RBMS1: variants seen among roughly 807,000 people sequenced by gnomAD.
RBMS1 encodes the protein RNA binding motif single stranded interacting protein 1.
RBMS1 carries 17 observed loss-of-function variants against 62.3 expected under a neutral mutation model. The ratio of observed to expected loss-of-function variants is 0.27; its 90% confidence interval spans 0.19 to 0.41. RBMS1 has a LOEUF of 0.41. Among genes scored for constraint, RBMS1 ranks in the 10% least tolerant of loss-of-function variants. The probability of loss-of-function intolerance (pLI) is 1.00; values close to 1 mark genes in which losing one functional copy is unlikely to be tolerated. For missense variants in RBMS1, 334 were observed against 504.5 expected (o/e 0.66, Z 3.24); for synonymous variants, 172 against 170.0 (o/e 1.01, Z -0.09).
chr2:160,282,385 G>T (rs1267962720), intron 9 of RBMS1: 2 of 1,239,728 alleles, frequency 1.6e-6, no homozygotes, highest in East Asian at 4.7e-5. Context: ...ATTGGGGTTG[G>T]TGGTTTCTTG....
rs187029482 is a variant in RBMS1, at chr2:160,354,732, A to T, written c.251+12484T>A. Among the ~76,000 whole-genome samples, 116 of 152,254 alleles carry T rather than the reference A, an allele frequency of 7.6e-4. 2 individuals are homozygous for T. The highest frequency in any genetic ancestry group is 6.7e-3 in the Admixed American group (102 of 15,284). On this transcript the variant is annotated intron_variant, in intron 2 of 13. Transcript: ENST00000348849. ...GCAGATTCCTTTATTAACATGTGAC[A>T]CTTAACAGAGGCAAGAAGATGCTAT...
chr2:160,456,262 G>C (rs1190105488), intron 1 of RBMS1, among the ~76,000 whole-genome samples: 2 of 152,256 alleles, frequency 1.3e-5, no homozygotes, highest in Non-Finnish European at 2.9e-5. Flanking sequence ...TCTATGGTTT[G>C]TCTGATTTAA....
chr2:160,407,423 G>A (rs1695798397), intron 1 of RBMS1: 3 of 986,012 alleles, frequency 3.0e-6, no homozygotes, highest in Non-Finnish European at 2.4e-6. Context: ...TGTAACGCGG[G>A]GCTCGCCGAC....
intron 1 of RBMS1, 198 bp from the exon 2 acceptor site, chr2:160,367,589 A>G (rs1693479960): frequency 9.8e-7 from 1 of 1,025,522 alleles, no homozygotes; most frequent in Non-Finnish European, 1.3e-6. Context: ...AATAGGGTTT[A>G]CTAAGTAAAA....
At chr2:160,293,775 G>A (rs1348261200) in intron 6 of RBMS1, among the ~76,000 whole-genome samples, 4 of 152,176 alleles carry the variant, frequency 2.6e-5, no homozygotes, top group African/African-American at 9.6e-5. Flanking sequence ...ATACGCATTA[G>A]TCTTCTCAAA....
intron 1 of RBMS1, among the ~76,000 whole-genome samples, chr2:160,423,011 T>C (rs145849896): frequency 7.5e-4 from 114 of 152,302 alleles, no homozygotes; most frequent in African/African-American, 2.6e-3. Flanking sequence ...CTCTCAGTTA[T>C]CTCTCAAATA....
At chr2:160,359,135 T>C (rs1692978076) in intron 2 of RBMS1, among the ~76,000 whole-genome samples, 1 of 152,166 alleles carries the variant, frequency 6.6e-6, no homozygotes, top group South Asian at 2.1e-4. Context: ...GTTCTTCAAT[T>C]TGCTTGGAAG....
At chr2:160,340,860 T>C (rs551957511) in intron 2 of RBMS1, among the ~76,000 whole-genome samples, 16 of 152,308 alleles carry the variant, frequency 1.1e-4, no homozygotes, top group African/African-American at 3.8e-4. Context: ...ATGTAAGTCT[T>C]AGAGGCATGA....
intron 3 of RBMS1, among the ~76,000 whole-genome samples, chr2:160,317,242 T>C (rs1218433346): frequency 1.3e-5 from 2 of 152,196 alleles, no homozygotes; most frequent in African/African-American, 2.4e-5. Flanking sequence ...GCCCCTACCA[T>C]AGGGTTCATT....
intron 1 of RBMS1, among the ~76,000 whole-genome samples, chr2:160,439,717 A>C (rs2105300746): frequency 6.6e-6 from 1 of 152,270 alleles, no homozygotes; most frequent in South Asian, 2.1e-4. Flanking sequence ...TGGGAGGTGG[A>C]GGTTGTAGCA....
intron 1 of RBMS1, among the ~76,000 whole-genome samples, chr2:160,433,614 A>G (rs1682993837): frequency 6.6e-6 from 1 of 152,216 alleles, no homozygotes; most frequent in South Asian, 2.1e-4. Flanking sequence ...TACATACAGT[A>G]TGTCAATGTT....
intron 7 of RBMS1, among the ~76,000 whole-genome samples, chr2:160,285,405 A>G (rs1688328795): frequency 6.6e-6 from 1 of 152,208 alleles, no homozygotes; most frequent in Admixed American, 6.5e-5. Context: ...CATAAGCCAC[A>G]TGCAGCTATT....
Position 160,308,282 on chromosome 2 carries a change from C to A in RBMS1, c.403-4795G>T, listed in dbSNP as rs1286119545. Among the ~76,000 whole-genome samples, 3 of 152,040 alleles carry A rather than the reference C, an allele frequency of 2.0e-5. No homozygotes were observed. The East Asian group carries it at 5.8e-4, about 29-fold the overall frequency. ...TGGTAGTGCGTGCCTGTAGTCCCAG[C>A]TACTCAGGAAGCTGAGGGTGGAAGG... On this transcript the variant is annotated intron_variant, in intron 4 of 13. Transcript: ENST00000348849.
intron 2 of RBMS1, among the ~76,000 whole-genome samples, chr2:160,328,662 C>G (rs746377086): frequency 6.6e-6 from 1 of 152,088 alleles, no homozygotes; most frequent in Non-Finnish European, 1.5e-5. Context: ...ACCCTCCCCC[C>G]GCCCCCAACA....
rs374851998 is a variant in RBMS1, at chr2:160,364,093, A to G, written c.251+3123T>C. 5.0e-4 allele frequency among the ~76,000 whole-genome samples: 76 copies of G among 152,350 alleles called. No individual in the cohort carries two copies. In the South Asian group the frequency reaches 0.013, roughly 26 times the overall value. ...AGAAATATTGCATTGGCAAATATTT[A>G]TATGACAAATAGACCACACAGATAA... On this transcript the variant is annotated intron_variant, in intron 2 of 13. Transcript: ENST00000348849.
At chr2:160,275,164 TG>T (rs1207108530) in intron 13 of RBMS1, among the ~76,000 whole-genome samples, 4 of 152,204 alleles carry the variant, frequency 2.6e-5, no homozygotes, top group Non-Finnish European at 5.9e-5. Flanking sequence ...TTGAAATTTG[TG>T]GTTCAAGTGA....
At chr2:160,480,704 C>G (rs530073501) in intron 1 of RBMS1, among the ~76,000 whole-genome samples, 4 of 151,884 alleles carry the variant, frequency 2.6e-5, no homozygotes, top group Non-Finnish European at 5.9e-5. Flanking sequence ...ATTGACAAGC[C>G]GATGCTAAAA....
intron 1 of RBMS1, among the ~76,000 whole-genome samples, chr2:160,376,541 T>C (rs1694008811): frequency 6.6e-6 from 1 of 152,234 alleles, no homozygotes. Flanking sequence ...GTAGCTTATA[T>C]CTGATATGAA....
chr2:160,447,477 T>C (rs72976748), intron 1 of RBMS1, among the ~76,000 whole-genome samples: 11,232 of 152,312 alleles, frequency 0.074, 569 homozygotes, highest in South Asian at 0.18. Flanking sequence ...CTAGAACTGG[T>C]ATTTTTAAAA....
Sources: allele counts gnomAD v4.1 joint callset (sites outside exome capture counted in the v4.1 genomes callset), GRCh38; gene constraint gnomAD v4.1.1; transcripts MANE v1.5; gene names NCBI Gene and HGNC (gene_info 2026-07-23, HGNC 2026-07-21).